The following TENM2 variants were observed in gnomAD, a reference collection of about 807,000 sequenced individuals.
The protein encoded by TENM2 is teneurin transmembrane protein 2.
TENM2 carries 52 observed loss-of-function variants against 245.2 expected under a neutral mutation model. That is an observed-to-expected ratio of 0.21 (90% CI 0.17 to 0.27). The LOEUF (loss-of-function observed/expected upper bound fraction) is 0.27, where lower values mean the gene tolerates loss of function less well. Ranked by LOEUF, TENM2 falls within the 10% of genes least tolerant of loss-of-function variation. TENM2 has a pLI of 1.00. For missense variants in TENM2, 3,046 were observed against 3,666.8 expected (o/e 0.83, Z 4.37); for synonymous variants, 1,363 against 1,438.9 (o/e 0.95, Z 1.19).
chr5:167,822,542 CATT>C (rs1270969052), intron 2 of TENM2, among the ~76,000 whole-genome samples: 1 of 152,160 alleles, frequency 6.6e-6, no homozygotes, highest in East Asian at 1.9e-4. Flanking sequence ...TTTAATGAAA[CATT>C]AGAGCACTAG....
chr5:167,758,834 G>A (rs566563166), intron 2 of TENM2, among the ~76,000 whole-genome samples: 1 of 152,016 alleles, frequency 6.6e-6, no homozygotes, highest in African/African-American at 2.4e-5. Context: ...ATATTGCCAG[G>A]TTTGGGTGTC....
At chr5:167,999,873 T>C (rs1166020820) in intron 5 of TENM2, among the ~76,000 whole-genome samples, 1 of 152,224 alleles carries the variant, frequency 6.6e-6, no homozygotes, top group Non-Finnish European at 1.5e-5. Context: ...AGAGGAGTGA[T>C]AGGTGCCACA....
chr5:168,080,108 G>A (rs1269198978), intron 7 of TENM2, among the ~76,000 whole-genome samples: 1 of 152,124 alleles, frequency 6.6e-6, no homozygotes, highest in Non-Finnish European at 1.5e-5. Context: ...CAATTTCAGA[G>A]CCTGTTATTG....
At chr5:167,973,194 C>T (rs1013187550) in intron 4 of TENM2, among the ~76,000 whole-genome samples, 9 of 152,178 alleles carry the variant, frequency 5.9e-5, no homozygotes, top group Non-Finnish European at 1.2e-4. Flanking sequence ...TGATCAAGGG[C>T]TTGAAAATCT....
At chr5:168,028,551 T>C (rs1349338507) in intron 5 of TENM2, among the ~76,000 whole-genome samples, 2 of 152,168 alleles carry the variant, frequency 1.3e-5, no homozygotes, top group African/African-American at 2.4e-5. Context: ...CCAGTTCCCT[T>C]GGTGACAGGT....
intron 2 of TENM2, among the ~76,000 whole-genome samples, chr5:167,837,339 A>C (rs556441588): frequency 6.6e-6 from 1 of 152,258 alleles, no homozygotes; most frequent in Non-Finnish European, 1.5e-5. Flanking sequence ...ACATCCTACA[A>C]GGTGAGTGAT....
chr5:168,135,525 T>C (rs1048886367), intron 12 of TENM2, among the ~76,000 whole-genome samples: 2 of 152,208 alleles, frequency 1.3e-5, no homozygotes, highest in African/African-American at 2.4e-5. Flanking sequence ...TTATATGCAT[T>C]GTTATAATCA....
At chr5:167,480,536 T>G (rs1346309393) in intron 2 of TENM2, among the ~76,000 whole-genome samples, 1 of 152,190 alleles carries the variant, frequency 6.6e-6, no homozygotes, top group African/African-American at 2.4e-5. Flanking sequence ...GAAACTCTAG[T>G]GCACCAAAGT....
chr5:167,233,469 A>G, the TENM2 span, among the ~76,000 whole-genome samples: 3 of 152,132 alleles, frequency 2.0e-5, no homozygotes, highest in Non-Finnish European at 4.4e-5. Context: ...AATTCCATCC[A>G]TTTATGAAGG....
chr5:167,007,595 A>G, the TENM2 span, among the ~76,000 whole-genome samples: 1 of 152,286 alleles, frequency 6.6e-6, no homozygotes, highest in Non-Finnish European at 1.5e-5. The surrounding 1 kb of genome is among the most constrained non-coding windows in gnomAD (Gnocchi z 4.2). Flanking sequence ...ACTTTATTGT[A>G]GGCTTGAACA....
chr5:167,780,071 G>A (rs983993140), intron 2 of TENM2, among the ~76,000 whole-genome samples: 2 of 152,134 alleles, frequency 1.3e-5, no homozygotes, highest in African/African-American at 4.8e-5. Context: ...TGACACTCCG[G>A]GTGACTCTAG....
At chr5:167,366,163 T>G (rs1231288850) in intron 1 of TENM2, among the ~76,000 whole-genome samples, 1 of 151,878 alleles carries the variant, frequency 6.6e-6, no homozygotes, top group Non-Finnish European at 1.5e-5. Flanking sequence ...CAAATAAATA[T>G]TATGAGGAAT....
intron 2 of TENM2, among the ~76,000 whole-genome samples, chr5:167,657,629 C>T (rs892576625): frequency 7.9e-5 from 12 of 152,172 alleles, no homozygotes; most frequent in African/African-American, 2.7e-4. Flanking sequence ...GGTGGGCCAA[C>T]GTTTTCTGTA....
intron 2 of TENM2, among the ~76,000 whole-genome samples, chr5:167,629,883 A>G (rs1401886806): frequency 4.0e-5 from 6 of 151,402 alleles, no homozygotes; most frequent in South Asian, 4.2e-4. Flanking sequence ...AAAGAAGGAG[A>G]AGGAGGAGGA....
At chr5:168,115,651 A>G (rs11134488) in intron 9 of TENM2, among the ~76,000 whole-genome samples, 111,082 of 151,912 alleles carry the variant, frequency 0.73, 40,730 homozygotes, top group Non-Finnish European at 0.75. Context: ...GCTCATTTAA[A>G]TACACGTTGT....
chr5:167,268,625 T>C, the TENM2 span, among the ~76,000 whole-genome samples: 1 of 152,150 alleles, frequency 6.6e-6, no homozygotes, highest in Non-Finnish European at 1.5e-5. Flanking sequence ...GAGGTTAGCA[T>C]ACTGTGGCCT....
chr5:167,224,562 C>T, the TENM2 span, among the ~76,000 whole-genome samples: 1 of 151,990 alleles, frequency 6.6e-6, no homozygotes, highest in Non-Finnish European at 1.5e-5. Flanking sequence ...TATGTTAATA[C>T]CAACATCATG....
At chr5:167,182,589 T>G in the TENM2 span, among the ~76,000 whole-genome samples, 1 of 152,188 alleles carries the variant, frequency 6.6e-6, no homozygotes, top group Non-Finnish European at 1.5e-5. Flanking sequence ...CTACATTCTT[T>G]AAAAAATCCA....
chr5:168,206,340 T>C (rs1762342697), intron 19 of TENM2, among the ~76,000 whole-genome samples: 1 of 152,178 alleles, frequency 6.6e-6, no homozygotes, highest in South Asian at 2.1e-4. Context: ...GCCTCAGTGA[T>C]CCAGTGGGCA....
Sources: allele counts gnomAD v4.1 joint callset (sites outside exome capture counted in the v4.1 genomes callset), GRCh38; gene constraint gnomAD v4.1.1; non-coding constraint Gnocchi (gnomAD v3.1); transcripts MANE v1.5; gene names NCBI Gene and HGNC (gene_info 2026-07-23, HGNC 2026-07-21).